Variants in LMX1B observed in about 807,000 individuals in gnomAD.
The protein encoded by LMX1B is LIM homeobox transcription factor 1 beta, also known as LIM homeobox transcription factor 1-beta.
A neutral mutation model predicts 51.4 loss-of-function variants in LMX1B; 12 were observed. The observed-to-expected ratio is 0.23, with a 90% CI of 0.15 to 0.38. The LOEUF is 0.38. Among genes scored for constraint, LMX1B ranks in the 10% least tolerant of loss-of-function variants. LMX1B has a pLI of 1.00. For synonymous variants in LMX1B, 237 were observed against 235.4 expected, an observed-to-expected ratio of 1.01 and a Z score of -0.06; for missense variants, 445 against 571.1, an observed-to-expected ratio of 0.78 and a Z score of 2.25.
chr9:126,614,611 C>T, intron 1 of LMX1B, 23 bp downstream of exon 1: 1 of 1,540,302 alleles, frequency 6.5e-7, no homozygotes, highest in East Asian at 2.5e-5. Flanking sequence ...TCGGAACGCC[C>T]GAGTGGTCTC....
At chr9:126,696,068 G>T (rs1190573158) in intron 7 of LMX1B, 65 bp downstream of exon 7, 2 of 1,273,818 alleles carry the variant, frequency 1.6e-6, no homozygotes, top group Non-Finnish European at 2.0e-6. Flanking sequence ...GGCCAGGCAG[G>T]CCTGGGGCCA....
rs1380421867 is a variant in LMX1B, at chr9:126,658,686, G to C, written c.327-32150G>C. On this transcript the variant is annotated intron_variant, in intron 2 of 7. Coordinates refer to ENST00000373474, the MANE Select transcript of LMX1B (RefSeq NM_001174147.2). This position sits in a 1 kb window ranked among gnomAD's most constrained non-coding sequence, Gnocchi z 4.0. ...CCCCGAACGAGGCAGCTTTATAAAT[G>C]GCTTTTATCACATTAGTTTGCAGTT... Among the ~76,000 whole-genome samples the C allele has an allele frequency of 6.6e-6, 1 of 152,184 alleles. No individual in the cohort carries two copies. Among genetic ancestry groups the C allele is most frequent in the African/African-American group, 2.4e-5 (1 of 41,426 alleles).
At position 126,658,078 on chromosome 9, in the gene LMX1B, C is replaced by T. The variant is rs548638943; in HGVS notation, c.327-32758C>T. Among the ~76,000 whole-genome samples, 4 of 151,976 alleles carry T rather than the reference C, an allele frequency of 2.6e-5. No individual in the cohort carries two copies. The highest frequency in any genetic ancestry group is 9.7e-5 in the African/African-American group (4 of 41,440). ...GATGGGGAGGTCTTAGAAGAGGGGC[C>T]AAGGGACCTGAGTGGGAACAACCAA... On this transcript the variant is annotated intron_variant, in intron 2 of 7. Transcript: ENST00000373474. This position sits in a 1 kb window ranked among gnomAD's most constrained non-coding sequence, Gnocchi z 4.0.
chr9:126,673,228 C>A lies in LMX1B; in HGVS notation c.327-17608C>A, dbSNP rs938202732. On this transcript the variant is annotated intron_variant, in intron 2 of 7. Coordinates refer to ENST00000373474, the MANE Select transcript of LMX1B (RefSeq NM_001174147.2). This position sits in a 1 kb window ranked among gnomAD's most constrained non-coding sequence, Gnocchi z 4.4. ...ATCCATGCTGGGGTCTGGGGGAGCC[C>A]CAGACACCACAGGGAGCCCCTACCT... is the stretch of plus-strand genomic sequence containing the variant. 6.6e-6 allele frequency among the ~76,000 whole-genome samples: 1 copy of A among 152,130 alleles called. No individual in the cohort carries two copies. Among genetic ancestry groups the A allele is most frequent in the Non-Finnish European group, 1.5e-5 (1 of 68,014 alleles).
chr9:126,672,471 AT>A (rs201908832), intron 2 of LMX1B, among the ~76,000 whole-genome samples: 1 of 151,664 alleles, frequency 6.6e-6, no homozygotes, highest in East Asian at 1.9e-4. Context: ...ATTTTATTTT[AT>A]TTTTTTTCCC....
intron 2 of LMX1B, among the ~76,000 whole-genome samples, chr9:126,646,346 A>G (rs1235997137): frequency 6.6e-6 from 1 of 151,692 alleles, no homozygotes; most frequent in Non-Finnish European, 1.5e-5. Flanking sequence ...CCATCCATCC[A>G]TCTACCTACC....
intron 2 of LMX1B, among the ~76,000 whole-genome samples, chr9:126,662,096 TCAGA>T (rs1230059329): frequency 1.3e-5 from 2 of 151,964 alleles, no homozygotes; most frequent in African/African-American, 2.4e-5. Flanking sequence ...AAAGCTGGAG[TCAGA>T]CAGACACAGG....
chr9:126,635,413 G>A (rs997013723), intron 2 of LMX1B, among the ~76,000 whole-genome samples: 4 of 152,240 alleles, frequency 2.6e-5, no homozygotes, highest in Non-Finnish European at 4.4e-5. Context: ...ATGCTATGGC[G>A]AGGGCACTCC....
rs10987422 is a variant in LMX1B, at chr9:126,700,408, C to A, written c.*3957C>A. On this transcript the variant is annotated 3_prime_UTR_variant, in exon 8 of 8. Coordinates refer to ENST00000373474, the MANE Select transcript of LMX1B (RefSeq NM_001174147.2). ...CAAGAGGCTGATTCCCCACTCTGCC[C>A]CCATCTGAATGTCCTTTTCATGTTG... 0.43 allele frequency: 65,120 copies of A among 152,120 alleles called. 14,908 individuals are homozygous for A. Among genetic ancestry groups the A allele is most frequent in the East Asian group, 0.86 (4,405 of 5,152 alleles). The allele number at this position is 152,120 out of a possible 1,614,324, so 9.4% of individuals were successfully genotyped here. A position where few individuals can be genotyped will look rare whatever the true frequency, so the allele number is the denominator to read the frequency against.
In LMX1B at chr9:126,625,264, G is replaced by A. The variant is rs999842943; in HGVS notation, c.326+9695G>A. Among the ~76,000 whole-genome samples the A allele has an allele frequency of 6.6e-6, 1 of 152,240 alleles. No individual in the cohort carries two copies. Among genetic ancestry groups the A allele is most frequent in the Non-Finnish European group, 1.5e-5 (1 of 68,040 alleles). ...GGGCCTCAGGAGCCGGAGCGTTGCC[G>A]TGGGGGCGGGGGAAGGGGTGGTTTT... On this transcript the variant is annotated intron_variant, in intron 2 of 7. Coordinates refer to ENST00000373474, the MANE Select transcript of LMX1B (RefSeq NM_001174147.2). The surrounding 1 kb of genome is among the most constrained non-coding windows in gnomAD (Gnocchi z 5.3).
At chr9:126,686,279 CAAA>C (rs5900718) in intron 2 of LMX1B, among the ~76,000 whole-genome samples, 6 of 93,866 alleles carry the variant, frequency 6.4e-5, no homozygotes, top group African/African-American at 1.7e-4. Context: ...GACTCCATCT[CAAA>C]AAAAAAAAAA....
At chr9:126,630,196 T>G (rs1375375829) in intron 2 of LMX1B, among the ~76,000 whole-genome samples, 1 of 148,140 alleles carries the variant, frequency 6.8e-6, no homozygotes, top group African/African-American at 2.5e-5. Flanking sequence ...ATTGTTTGCC[T>G]GGGTTTCCAG....
chr9:126,686,230 A>G (rs926924598), intron 2 of LMX1B, among the ~76,000 whole-genome samples: 8 of 148,878 alleles, frequency 5.4e-5, no homozygotes, highest in Non-Finnish European at 1.2e-4. Flanking sequence ...CAGTGAGCCG[A>G]GATCATACCA....
intron 2 of LMX1B, among the ~76,000 whole-genome samples, chr9:126,619,286 C>G (rs992687554): frequency 1.3e-5 from 2 of 152,196 alleles, no homozygotes; most frequent in African/African-American, 4.8e-5. Flanking sequence ...ACCTCTCCCC[C>G]CACACTCCCC....
chr9:126,644,162 C>T (rs775431976), intron 2 of LMX1B, among the ~76,000 whole-genome samples: 3 of 152,134 alleles, frequency 2.0e-5, no homozygotes, highest in Non-Finnish European at 4.4e-5. Flanking sequence ...TCCGGGTCCT[C>T]GGTGTCCTGT....
intron 2 of LMX1B, among the ~76,000 whole-genome samples, chr9:126,675,489 G>T (rs557698632): frequency 1.5e-4 from 23 of 152,136 alleles, no homozygotes; most frequent in Non-Finnish European, 3.2e-4. Context: ...CACTTTGGGA[G>T]GCCGAGGCGG....
Position 126,641,605 on chromosome 9 carries a change from C to T in LMX1B, c.326+26036C>T, listed in dbSNP as rs532886067. Among the ~76,000 whole-genome samples the T allele has an allele frequency of 4.6e-5, 7 of 152,274 alleles. No individual in the cohort carries two copies. The highest frequency in any genetic ancestry group is 1.2e-4 in the African/African-American group (5 of 41,544). On this transcript the variant is annotated intron_variant, in intron 2 of 7. Transcript: ENST00000373474. The surrounding 1 kb of genome is among the most constrained non-coding windows in gnomAD (Gnocchi z 4.1). ...GGTTCCTCCCTGTCTTGCCACCTCC[C>T]GCTTCTGTTCAGCAGCTCAAGTTTC...
At chr9:126,649,218 A>T (rs934654661) in intron 2 of LMX1B, among the ~76,000 whole-genome samples, 2 of 150,724 alleles carry the variant, frequency 1.3e-5, no homozygotes, top group African/African-American at 4.9e-5. Flanking sequence ...AACTGCATCA[A>T]CCTCTTCCTG....
intron 2 of LMX1B, among the ~76,000 whole-genome samples, chr9:126,642,529 A>G (rs1474336219): frequency 1.3e-5 from 2 of 151,972 alleles, no homozygotes. Flanking sequence ...TCATCCCCCG[A>G]AGAGCCACCC....
Sources: gnomAD v4.1 joint callset for allele counts (sites outside exome capture counted in the v4.1 genomes callset) on GRCh38, gnomAD v4.1.1 for gene constraint, Gnocchi (gnomAD v3.1) non-coding constraint, MANE v1.5 for transcripts, NCBI Gene and HGNC (gene_info 2026-07-23, HGNC 2026-07-21) for gene names.